ATP8B1: variants seen among roughly 807,000 people sequenced by gnomAD.
The protein encoded by ATP8B1 is ATPase phospholipid transporting 8B1, also known as phospholipid-transporting ATPase IC.
Under a neutral mutation model 149.9 loss-of-function variants are expected in ATP8B1, and 80 were observed. The ratio of observed to expected loss-of-function variants is 0.53; its 90% CI spans 0.45 to 0.64. The LOEUF is 0.64. Among genes scored for constraint, ATP8B1 ranks in the 30% least tolerant of loss-of-function variants. ATP8B1 has a pLI of 0.00. For missense variants in ATP8B1, 1,247 were observed against 1,552.6 expected (o/e 0.80, Z 3.31); for synonymous variants, 536 against 562.8 (o/e 0.95, Z 0.67).
chr18:57,772,151 C>T (rs2080269221), intron 1 of ATP8B1, among the ~76,000 whole-genome samples: 1 of 152,202 alleles, frequency 6.6e-6, no homozygotes, highest in South Asian at 2.1e-4. Context: ...TTATAAGGAA[C>T]AAGCCTCCTA....
intron 1 of ATP8B1, among the ~76,000 whole-genome samples, chr18:57,751,809 G>A (rs113973418): frequency 5.5e-4 from 83 of 152,230 alleles, no homozygotes; most frequent in African/African-American, 1.4e-3. Flanking sequence ...CTCAAATCCC[G>A]ATGTAATGTC....
chr18:57,786,446 C>T (rs2080410723), intron 1 of ATP8B1, among the ~76,000 whole-genome samples: 1 of 152,162 alleles, frequency 6.6e-6, no homozygotes, highest in African/African-American at 2.4e-5. Flanking sequence ...GGGTCTTAAC[C>T]CCAGAGCTTC....
intron 4 of ATP8B1, among the ~76,000 whole-genome samples, chr18:57,702,857 CAAAAA>C (rs34058171): frequency 8.0e-6 from 1 of 125,104 alleles, no homozygotes; most frequent in African/African-American, 3.0e-5. Context: ...AACTCCATCT[CAAAAA>C]AAAAAAAAAA....
chr18:57,706,341 A>T (rs903358886), intron 3 of ATP8B1, 149 bp downstream of exon 3: 3 of 681,090 alleles, frequency 4.4e-6, no homozygotes, highest in Admixed American at 2.4e-5. Context: ...CATCAATAAA[A>T]ATGACATTCT....
chr18:57,686,222 C>T (rs1378229844), intron 13 of ATP8B1, among the ~76,000 whole-genome samples: 1 of 152,078 alleles, frequency 6.6e-6, no homozygotes, highest in Non-Finnish European at 1.5e-5. Flanking sequence ...TGAGATCGCA[C>T]CACTGCACTC....
intron 4 of ATP8B1, among the ~76,000 whole-genome samples, chr18:57,701,623 T>G (rs1051751011): frequency 1.7e-4 from 26 of 152,312 alleles, no homozygotes; most frequent in African/African-American, 5.3e-4. Context: ...GCTCTAAATC[T>G]TTTGTGAAAA....
At chr18:57,728,447 G>T (rs2079729308) in intron 2 of ATP8B1, among the ~76,000 whole-genome samples, 1 of 152,154 alleles carries the variant, frequency 6.6e-6, no homozygotes. Flanking sequence ...AGGAAAGAGG[G>T]ATGAAGAGGG....
intron 1 of ATP8B1, among the ~76,000 whole-genome samples, chr18:57,781,241 T>G (rs561354872): frequency 2.0e-4 from 30 of 152,238 alleles, no homozygotes; most frequent in Non-Finnish European, 4.0e-4. Context: ...AAGTTGGGAC[T>G]GAGTTCCTGA....
chr18:57,648,852 TTGTGTG>T (rs1161789963), intron 27 of ATP8B1, 140 bp from the exon 28 acceptor site: 2,339 of 552,378 alleles, frequency 4.2e-3, no homozygotes, highest in Non-Finnish European at 5.5e-3. Flanking sequence ...CTGTCCCCAC[TTGTGTG>T]TGTGTGTGTG....
rs936606388 is a variant in ATP8B1, at chr18:57,756,246, C to T, written c.-25-24414G>A. Among the ~76,000 whole-genome samples, 212 of 104,734 alleles carry T rather than the reference C, an allele frequency of 2.0e-3. 1 individual carries two copies. The highest frequency in any genetic ancestry group is 6.9e-3 in the African/African-American group (168 of 24,506). The allele number at this position is 104,734 out of a possible 152,430, so 68.7% of individuals were successfully genotyped here. A position where few individuals can be genotyped will look rare whatever the true frequency, so the allele number is the denominator to read the frequency against. On this transcript the variant is annotated intron_variant, in intron 1 of 27. Coordinates refer to ENST00000648908, the MANE Select transcript of ATP8B1 (RefSeq NM_001374385.1). ...ACACACACACACACACATATATACA[C>T]ACACACATATATATATATGAAATAT...
intron 1 of ATP8B1, among the ~76,000 whole-genome samples, chr18:57,743,732 G>A (rs2079939650): frequency 6.6e-6 from 1 of 152,188 alleles, no homozygotes; most frequent in Non-Finnish European, 1.5e-5. Context: ...ACCTCCAAAA[G>A]TAAGGCAGCT....
In ATP8B1 at chr18:57,649,308, A is replaced by C. The variant is rs1039468471; in HGVS notation, c.3532-596T>G. Reference sequence around the variant, plus strand: ...GATTGATCAATCGATCTACCTACCTACCTACCTGGAGATATATATTGAAGC... The same window carrying C: ...GATTGATCAATCGATCTACCTACCTCCCTACCTGGAGATATATATTGAAGC... On this transcript the variant is annotated intron_variant, in intron 27 of 27. Coordinates refer to ENST00000648908, the MANE Select transcript of ATP8B1 (RefSeq NM_001374385.1). Among the ~76,000 whole-genome samples, 3 of 151,992 alleles carry C rather than the reference A, an allele frequency of 2.0e-5. No homozygotes were observed. In the South Asian group the frequency reaches 6.2e-4, roughly 31 times the overall value.
chr18:57,703,576 CA>C (rs35128451), intron 4 of ATP8B1, among the ~76,000 whole-genome samples: 9,372 of 131,582 alleles, frequency 0.071, 462 homozygotes, highest in East Asian at 0.18. Context: ...AACACGGTCT[CA>C]AAAAAAAAAA....
chr18:57,692,951 A>C (rs1424706070), intron 11 of ATP8B1, among the ~76,000 whole-genome samples: 5 of 152,218 alleles, frequency 3.3e-5, no homozygotes, highest in Non-Finnish European at 7.3e-5. Flanking sequence ...TAAAATTTCC[A>C]GAGACAAATT....
intron 1 of ATP8B1, among the ~76,000 whole-genome samples, chr18:57,798,079 G>C (rs1771581536): frequency 1.3e-5 from 2 of 152,072 alleles, no homozygotes; most frequent in South Asian, 4.1e-4. Flanking sequence ...ATGAAGCAGA[G>C]AGGTAATTCC....
At chr18:57,708,360 T>A (rs1474006784) in intron 2 of ATP8B1, 1 of 152,014 alleles carries the variant, frequency 6.6e-6, no homozygotes, top group Non-Finnish European at 1.5e-5. Flanking sequence ...AAGTGCAATC[T>A]TATCAAAAGG....
intron 15 of ATP8B1, among the ~76,000 whole-genome samples, chr18:57,675,740 G>A (rs1329521928): frequency 2.6e-5 from 4 of 152,026 alleles, no homozygotes; most frequent in Non-Finnish European, 4.4e-5. Flanking sequence ...GGGTCTCACC[G>A]TGTTGCCCAG....
At chr18:57,753,498 G>A (rs2080043081) in intron 1 of ATP8B1, among the ~76,000 whole-genome samples, 1 of 152,230 alleles carries the variant, frequency 6.6e-6, no homozygotes, top group African/African-American at 2.4e-5. Flanking sequence ...GGTCACCACT[G>A]TGTAAAGCAC....
intron 2 of ATP8B1, among the ~76,000 whole-genome samples, chr18:57,707,252 C>A (rs146962481): frequency 0.018 from 2,734 of 151,976 alleles, 34 homozygotes; most frequent in Non-Finnish European, 0.028. Flanking sequence ...GCTGAGATTG[C>A]GCCACTGCAC....
Sources: allele counts gnomAD v4.1 joint callset (sites outside exome capture counted in the v4.1 genomes callset), GRCh38; gene constraint gnomAD v4.1.1; transcripts MANE v1.5; gene names NCBI Gene and HGNC (gene_info 2026-07-23, HGNC 2026-07-21).